The following PCDHGB7 variants were observed in gnomAD, a reference collection of about 807,000 sequenced individuals.
The protein encoded by PCDHGB7 is protocadherin gamma subfamily B, 7.
PCDHGB7 carries 37 observed loss-of-function variants against 61.4 expected under a neutral mutation model. The ratio of observed to expected loss-of-function variants is 0.60; its 90% CI spans 0.46 to 0.79. The LOEUF is 0.79. PCDHGB7 is among the 30% of genes least tolerant of loss of function. The pLI is 0.00. For synonymous variants in PCDHGB7, 464 were observed against 503.5 expected (o/e 0.92, Z 1.05); for missense variants, 1,166 against 1,202.5 (o/e 0.97, Z 0.45).
chr5:141,467,371 A>G, intron 1 of PCDHGB7, among the ~76,000 whole-genome samples: 1 of 151,906 alleles, frequency 6.6e-6, no homozygotes, highest in Non-Finnish European at 1.5e-5. Context: ...GTTTTCTTAT[A>G]TTGCATTTAG....
intron 1 of PCDHGB7, among the ~76,000 whole-genome samples, chr5:141,461,165 TG>T (rs2099010296): frequency 6.6e-6 from 1 of 152,146 alleles, no homozygotes; most frequent in South Asian, 2.1e-4. Flanking sequence ...ATAGTGGGAT[TG>T]CTGGATTGAA....
At chr5:141,478,299 G>A (rs201916687) in intron 1 of PCDHGB7, 1 of 1,614,056 alleles carries the variant, frequency 6.2e-7, no homozygotes, top group Non-Finnish European at 8.5e-7. Flanking sequence ...GACCTATACC[G>A]AGCCCCGGTG....
intron 2 of PCDHGB7, among the ~76,000 whole-genome samples, chr5:141,503,977 CCTT>C (rs1012021012): frequency 1.3e-5 from 2 of 152,250 alleles, no homozygotes; most frequent in Admixed American, 1.3e-4. Flanking sequence ...GGTGCCAAAC[CCTT>C]CTTCTTACCT....
rs1371704441 is a variant in PCDHGB7 at position 141,417,918 on chromosome 5, T to C, written c.59T>C (p.Leu20Ser). ...GGCCCGCGGCAGGTACTATTTCCTTTGCTGCTGCCTTTGTTCTACCCCACG... is the reference window on the plus strand; with the variant it reads ...GGCCCGCGGCAGGTACTATTTCCTTCGCTGCTGCCTTTGTTCTACCCCACG... ...RAGPRQVLFP[L>S]LLPLFYPTLC... The change falls in exon 1 of 4, where the codon TTG becomes TCG. Residue 20 changes from leucine (L) to serine (S), a missense_variant. Coordinates refer to ENST00000398594, the MANE Select transcript of PCDHGB7 (RefSeq NM_018927.4). 2 of 1,605,528 alleles carry C rather than the reference T, an allele frequency of 1.2e-6. No individual in the cohort carries two copies. The highest frequency in any genetic ancestry group is 8.5e-7 in the Non-Finnish European group (1 of 1,175,674).
chr5:141,482,429 A>G (rs955366858), intron 1 of PCDHGB7, among the ~76,000 whole-genome samples: 1 of 151,366 alleles, frequency 6.6e-6, no homozygotes, highest in African/African-American at 2.4e-5. Flanking sequence ...AAAAATGATA[A>G]TACTGATATT....
In PCDHGB7 at chr5:141,431,932, C is replaced by A; in HGVS notation, c.2415+11658C>A. 1 of 1,614,172 alleles carries A rather than the reference C, an allele frequency of 6.2e-7. No homozygotes were observed. Among genetic ancestry groups the A allele is most frequent in the Non-Finnish European group, 8.5e-7 (1 of 1,180,002 alleles). The stretch of plus-strand genomic sequence containing the variant: ...TCTGTTTCATCCAAGGAAATCTGCC[C>A]TTTAAATTAGAAAAATCTTACGGAA... On this transcript the variant is annotated intron_variant, in intron 1 of 3. Transcript: ENST00000398594. The surrounding 1 kb of genome is among the most constrained non-coding windows in gnomAD (Gnocchi z 4.8).
Position 141,486,674 on chromosome 5 carries a change from G to A in PCDHGB7, c.2416-8133G>A. On this transcript the variant is annotated intron_variant, in intron 1 of 3. Transcript: ENST00000398594. This position sits in a 1 kb window ranked among gnomAD's most constrained non-coding sequence, Gnocchi z 5.0. ...CTCACTCCTGGAGCCCAGGAATCGA[G>A]ATGTATCAGCTTCCTCTTTCATCTC... The A allele has an allele frequency of 1.9e-6, 3 of 1,614,080 alleles. No individual in the cohort carries two copies. Among genetic ancestry groups the A allele is most frequent in the Non-Finnish European group, 2.5e-6 (3 of 1,180,036 alleles).
chr5:141,477,978 T>A lies in PCDHGB7; in HGVS notation c.2416-16829T>A. ...TCCCCTAACCAGAGCCTTTTTGCCA[T>A]AGGGCTGCACACTGGTCAAATCAGT... is the stretch of plus-strand genomic sequence containing the variant. On this transcript the variant is annotated intron_variant, in intron 1 of 3. Transcript: ENST00000398594. The surrounding 1 kb of genome is among the most constrained non-coding windows in gnomAD (Gnocchi z 4.9). The A allele has an allele frequency of 6.2e-7, 1 of 1,614,120 alleles. No individual in the cohort carries two copies. Among genetic ancestry groups the A allele is most frequent in the Non-Finnish European group, 8.5e-7 (1 of 1,180,022 alleles).
chr5:141,495,205 C>T (rs977479495), intron 2 of PCDHGB7, among the ~76,000 whole-genome samples: 1 of 152,212 alleles, frequency 6.6e-6, no homozygotes, highest in African/African-American at 2.4e-5. Flanking sequence ...TACTGCCTAA[C>T]CCCCTCCCCT....
chr5:141,432,997 G>A lies in PCDHGB7; in HGVS notation c.2415+12723G>A, dbSNP rs778828769. ...CGCACTTTGTGGGCGTGGACGGGGT[G>A]CAGGCTTTCCTGCAGACCTATTCCC... is the stretch of plus-strand genomic sequence containing the variant. On this transcript the variant is annotated intron_variant, in intron 1 of 3. Coordinates refer to ENST00000398594, the MANE Select transcript of PCDHGB7 (RefSeq NM_018927.4). This position sits in a 1 kb window ranked among gnomAD's most constrained non-coding sequence, Gnocchi z 6.0. 5 of 1,614,082 alleles carry A rather than the reference G, an allele frequency of 3.1e-6. No homozygotes were observed. In the Admixed American group the frequency reaches 8.3e-5, roughly 27 times the overall value.
rs2096177010 is a variant in PCDHGB7, at chr5:141,417,879, A to G, written c.20A>G (p.Gln7Arg). Residue 7 changes from glutamine (Q) to arginine (R), a missense_variant, in exon 1 of 4, where the codon CAG (glutamine) becomes CGG (arginine). By Grantham distance (43) the Gln-to-Arg change is conservative. Transcript: ENST00000398594. MGGSCA[Q>R]RRRAGPRQVL... ...CGAACGATGGGAGGGAGCTGCGCGC[A>G]GAGGCGCCGGGCCGGCCCGCGGCAG... is the stretch of plus-strand genomic sequence containing the variant. The G allele has an allele frequency of 7.1e-6, 11 of 1,559,306 alleles. No individual in the cohort carries two copies. The highest frequency in any genetic ancestry group is 2.3e-5 in the South Asian group (2 of 85,382).
chr5:141,422,901 C>T (rs768086403), intron 1 of PCDHGB7: 5 of 1,614,276 alleles, frequency 3.1e-6, no homozygotes, highest in Non-Finnish European at 4.2e-6. Context: ...ACCAGAACGA[C>T]AATGCGCCCG....
chr5:141,503,367 C>T (rs1038565489), intron 2 of PCDHGB7, among the ~76,000 whole-genome samples: 5 of 151,908 alleles, frequency 3.3e-5, no homozygotes, highest in African/African-American at 9.7e-5. Flanking sequence ...GAAGCGGAGG[C>T]AGGTGGATCA....
At chr5:141,455,375 G>A (rs1247820974) in intron 1 of PCDHGB7, among the ~76,000 whole-genome samples, 1 of 152,132 alleles carries the variant, frequency 6.6e-6, no homozygotes, top group Non-Finnish European at 1.5e-5. Context: ...GAAGGGAGAA[G>A]ACAGAAGGAA....
At chr5:141,448,663 G>A (rs1195703194) in intron 1 of PCDHGB7, among the ~76,000 whole-genome samples, 3 of 151,920 alleles carry the variant, frequency 2.0e-5, no homozygotes, top group African/African-American at 7.3e-5. Flanking sequence ...CATATTGGCC[G>A]GGCGCGGTGG....
intron 1 of PCDHGB7, chr5:141,433,257 G>T: frequency 7.2e-7 from 1 of 1,385,416 alleles, no homozygotes; most frequent in Non-Finnish European, 9.9e-7. Context: ...GCAGCGGTAC[G>T]ATCATAGCTC....
At chr5:141,506,076 T>C (rs2154593839) in intron 3 of PCDHGB7, among the ~76,000 whole-genome samples, 1 of 152,244 alleles carries the variant, frequency 6.6e-6, no homozygotes, top group South Asian at 2.1e-4. Flanking sequence ...TCCTTTGTAA[T>C]AGAGATTCGG....
At chr5:141,462,648 C>T (rs2099044153) in intron 1 of PCDHGB7, among the ~76,000 whole-genome samples, 1 of 137,364 alleles carries the variant, frequency 7.3e-6, no homozygotes, top group Admixed American at 7.1e-5. Flanking sequence ...TCATTTCCAT[C>T]CTCAATTATC....
chr5:141,430,826 CTG>C (rs2097313923), intron 1 of PCDHGB7: 1 of 1,550,416 alleles, frequency 6.4e-7, no homozygotes, highest in Non-Finnish European at 8.7e-7. Context: ...CCTGGGGACT[CTG>C]TGGGAGACCG....
Sources: gnomAD v4.1 joint callset for allele counts (sites outside exome capture counted in the v4.1 genomes callset) on GRCh38, gnomAD v4.1.1 for gene constraint, Gnocchi (gnomAD v3.1) non-coding constraint, MANE v1.5 for transcripts, NCBI Gene and HGNC (gene_info 2026-07-23, HGNC 2026-07-21) for gene names.